The following MAP3K4 variants were observed in gnomAD, a reference collection of about 807,000 sequenced individuals.
The protein encoded by MAP3K4 is mitogen-activated protein kinase kinase kinase 4.
Under a neutral mutation model 185.6 loss-of-function variants are expected in MAP3K4, and 67 were observed. The ratio of observed to expected loss-of-function variants is 0.36; its 90% CI spans 0.30 to 0.44. The LOEUF (loss-of-function observed/expected upper bound fraction) is 0.44. Among genes scored for constraint, MAP3K4 ranks in the 20% least tolerant of loss-of-function variants. The pLI, the probability that MAP3K4 is intolerant of heterozygous loss-of-function variation, is 1.00. For synonymous variants in MAP3K4, 702 were observed against 710.4 expected, an observed-to-expected ratio of 0.99 and a Z score of 0.19; for missense variants, 1,551 against 1,995.1, an observed-to-expected ratio of 0.78 and a Z score of 4.24.
intron 1 of MAP3K4, among the ~76,000 whole-genome samples, chr6:161,029,628 T>C (rs1239601161): frequency 6.6e-6 from 1 of 152,186 alleles, no homozygotes; most frequent in African/African-American, 2.4e-5. Context: ...AGACAAATGT[T>C]TCAGGGCAGC....
chr6:161,012,242 C>A (rs1327471318), intron 1 of MAP3K4, among the ~76,000 whole-genome samples: 1 of 152,168 alleles, frequency 6.6e-6, no homozygotes, highest in Non-Finnish European at 1.5e-5. Flanking sequence ...AGTTGTTGAA[C>A]ATTCTGTGTT....
At position 161,115,069 on chromosome 6, in the gene MAP3K4, T is replaced by G; in HGVS notation, c.4627-54T>G. 6.9e-7 allele frequency: 1 copy of G among 1,458,988 alleles called. No individual in the cohort carries two copies. Among genetic ancestry groups the G allele is most frequent in the Non-Finnish European group, 9.4e-7 (1 of 1,058,460 alleles). The allele number at this position is 1,458,988 out of a possible 1,614,324, so 90.4% of individuals were successfully genotyped here. On this transcript the variant is annotated intron_variant, in intron 25 of 26. Transcript: ENST00000392142. This position sits in a 1 kb window ranked among gnomAD's most constrained non-coding sequence, Gnocchi z 6.0. ...CTTAAAAACAGACTGAACATTTGCG[T>G]TGTTTGTGGCTGTGTAATATTAAAA... is the stretch of plus-strand genomic sequence containing the variant.
chr6:160,998,414 G>C (rs879699426), intron 1 of MAP3K4, among the ~76,000 whole-genome samples: 1 of 152,156 alleles, frequency 6.6e-6, no homozygotes. Context: ...GCTAATCAGA[G>C]AGCCTAAATT....
intron 1 of MAP3K4, among the ~76,000 whole-genome samples, chr6:160,995,063 A>C (rs765104054): frequency 2.0e-5 from 3 of 152,158 alleles, no homozygotes; most frequent in Non-Finnish European, 4.4e-5. Flanking sequence ...TCCCACCAGC[A>C]GTGTATAAGA....
chr6:161,015,362 T>C (rs1782043854), intron 1 of MAP3K4, among the ~76,000 whole-genome samples: 2 of 152,050 alleles, frequency 1.3e-5, no homozygotes, highest in South Asian at 4.1e-4. Context: ...CTGGACTTAC[T>C]ACCTAGGTGA....
intron 2 of MAP3K4, among the ~76,000 whole-genome samples, chr6:161,042,962 C>G (rs1783556008): frequency 1.3e-5 from 2 of 151,662 alleles, no homozygotes; most frequent in Admixed American, 1.3e-4. Flanking sequence ...GGAAATATCT[C>G]AAGGTGTGTG....
In MAP3K4 at chr6:161,034,488, T is replaced by G; in HGVS notation, c.343+39T>G. 234 of 1,371,378 alleles carry G rather than the reference T, an allele frequency of 1.7e-4. No homozygotes were observed. Among genetic ancestry groups the G allele is most frequent in the Non-Finnish European group, 2.1e-4 (209 of 977,932 alleles). The allele number at this position is 1,371,378 out of a possible 1,614,324, so 85.0% of individuals were successfully genotyped here. A position where few individuals can be genotyped will look rare whatever the true frequency, so the allele number is the denominator to read the frequency against. On this transcript the variant is annotated intron_variant, in intron 2 of 26. Transcript: ENST00000392142. The surrounding 1 kb of genome is among the most constrained non-coding windows in gnomAD (Gnocchi z 4.4). ...TTGAAAAGAGGTGTACATGAGAGGG[T>G]ATGGCACTTGATTGATTCTTTCAAC...
Position 161,112,648 on chromosome 6 carries a change from C to T in MAP3K4, c.4520-20C>T. ...TGTGTTTATAACCCATTACTCTCAACATATCTGTGACTTTTAAAGCATACA... is the reference window on the plus strand; with the variant it reads ...TGTGTTTATAACCCATTACTCTCAATATATCTGTGACTTTTAAAGCATACA... On this transcript the variant is annotated intron_variant, in intron 24 of 26. Coordinates refer to ENST00000392142, the MANE Select transcript of MAP3K4 (RefSeq NM_005922.4). The surrounding 1 kb of genome is among the most constrained non-coding windows in gnomAD (Gnocchi z 5.1). 6.6e-7 allele frequency: 1 copy of T among 1,511,856 alleles called. No homozygotes were observed. Among genetic ancestry groups the T allele is most frequent in the Non-Finnish European group, 8.9e-7 (1 of 1,123,966 alleles). 93.7% of individuals were successfully genotyped at this position (1,511,856 alleles called of 1,614,324 possible). A position where few individuals can be genotyped will look rare whatever the true frequency, so the allele number is the denominator to read the frequency against.
In MAP3K4 at chr6:161,098,280, C is replaced by T. The variant is rs773299466; in HGVS notation, c.3527C>T (p.Thr1176Ile). 12 of 1,612,802 alleles carry T rather than the reference C, an allele frequency of 7.4e-6. No homozygotes were observed. The highest frequency in any genetic ancestry group is 3.3e-5 in the Admixed American group (2 of 59,938). Residue 1176 changes from threonine (T) to isoleucine (I), a missense_variant and splice_region_variant, in exon 17 of 27, where the codon ACT becomes ATT. By Grantham distance (89) the Thr-to-Ile change is moderately conservative. Transcript: ENST00000392142. The surrounding 1 kb of genome is among the most constrained non-coding windows in gnomAD (Gnocchi z 4.4). ...TGAAGCTTTTCTTCTTGTCTTAGCA[C>T]TCGGAGCATGCCTTCCGACGCGCGG... Reference protein sequence around the residue: ...LIIPTPEGFSTRSMPSDARSH... With the variant: ...LIIPTPEGFSIRSMPSDARSH...
chr6:161,087,805 T>A lies in MAP3K4; in HGVS notation c.2674T>A (p.Ser892Thr), dbSNP rs1166485785. 4 of 1,614,042 alleles carry A rather than the reference T, an allele frequency of 2.5e-6. No homozygotes were observed. The highest frequency in any genetic ancestry group is 3.4e-6 in the Non-Finnish European group (4 of 1,180,034). ...TGCAGGAAAGGACTGTTCAAAAGAT[T>A]CAGATGACGTACTCATCGATGCCTA... The part of the protein sequence containing the change: ...AAAGKDCSKD[S>T]DDVLIDAYLL... Residue 892 changes from serine (S) to threonine (T), a missense_variant, in exon 10 of 27, where the codon TCA becomes ACA. Physicochemically the swap from Ser to Thr is moderately conservative, Grantham distance 58. Coordinates refer to ENST00000392142, the MANE Select transcript of MAP3K4 (RefSeq NM_005922.4). This position sits in a 1 kb window ranked among gnomAD's most constrained non-coding sequence, Gnocchi z 4.9.
Position 161,049,638 on chromosome 6 carries a change from A to G in MAP3K4, c.1366A>G (p.Ser456Gly). 1 of 1,614,200 alleles carries G rather than the reference A, an allele frequency of 6.2e-7. No individual in the cohort carries two copies. The highest frequency in any genetic ancestry group is 1.1e-5 in the South Asian group (1 of 91,084). ...DTEGELKELE[S>G]STDESEEEQI... ...AGAAGGAGAATTAAAGGAGTTGGAA[A>G]GTAGTACGGATGAGAGTGAAGAAGA... The change falls in exon 3 of 27, where the codon AGT becomes GGT. Residue 456 changes from serine (S) to glycine (G), a missense_variant. Physicochemically the swap from Ser to Gly is moderately conservative, Grantham distance 56 (BLOSUM62 0). Around this residue, in one of 16 missense-constraint regions of MAP3K4, gnomAD observed 126 missense variants for 112.8 expected, o/e 1.12. Transcript: ENST00000392142. This position sits in a 1 kb window ranked among gnomAD's most constrained non-coding sequence, Gnocchi z 8.4.
chr6:161,093,199 T>C lies in MAP3K4; in HGVS notation c.3348+143T>C, dbSNP rs1484342029. ...ATCATGTAATGATAATGCTGAGAAA[T>C]TAAAGTACTCCTCATAGCAGAGTAA... On this transcript the variant is annotated intron_variant, in intron 14 of 26. Coordinates refer to ENST00000392142, the MANE Select transcript of MAP3K4 (RefSeq NM_005922.4). The surrounding 1 kb of genome is among the most constrained non-coding windows in gnomAD (Gnocchi z 5.2). 1 of 598,614 alleles carries C rather than the reference T, an allele frequency of 1.7e-6. No individual in the cohort carries two copies. Among genetic ancestry groups the C allele is most frequent in the African/African-American group, 1.9e-5 (1 of 52,678 alleles). The allele number at this position is 598,614 out of a possible 1,614,324, so 37.1% of individuals were successfully genotyped here.
rs1778063848 is a variant in MAP3K4 at position 161,106,204 on chromosome 6, AGT to A, written c.3857-306_3857-305del. On this transcript the variant is annotated intron_variant, in intron 19 of 26. Transcript: ENST00000392142. This position sits in a 1 kb window ranked among gnomAD's most constrained non-coding sequence, Gnocchi z 4.9. The stretch of plus-strand genomic sequence containing the variant: ...ATGTTTTAATAATATGGCAAACAAG[AGT>A]GTGGAATGGAGAGAGGAGAAACTAG... Among the ~76,000 whole-genome samples, 1 of 152,138 alleles carries A rather than the reference AGT, an allele frequency of 6.6e-6. No homozygotes were observed. The highest frequency in any genetic ancestry group is 1.5e-5 in the Non-Finnish European group (1 of 68,024).
At chr6:161,079,566 A>G (rs1311962035) in intron 5 of MAP3K4, among the ~76,000 whole-genome samples, 3 of 152,206 alleles carry the variant, frequency 2.0e-5, no homozygotes, top group African/African-American at 7.2e-5. Context: ...AGCAAGAGGA[A>G]ACTCCATCTC....
At chr6:161,001,580 G>T (rs1215405704) in intron 1 of MAP3K4, among the ~76,000 whole-genome samples, 1 of 152,132 alleles carries the variant, frequency 6.6e-6, no homozygotes, top group Non-Finnish European at 1.5e-5. Context: ...ATGAGGGCTG[G>T]GGCATCGTCT....
chr6:161,032,599 A>AC (rs1194120343), intron 1 of MAP3K4, among the ~76,000 whole-genome samples: 1 of 152,160 alleles, frequency 6.6e-6, no homozygotes. Context: ...TTCATTCCAA[A>AC]CAGTGTTATT....
rs1468229230 is a variant in MAP3K4 at position 161,110,192 on chromosome 6, C to G, written c.4396+278C>G. Among the ~76,000 whole-genome samples, 1 of 152,180 alleles carries G rather than the reference C, an allele frequency of 6.6e-6. No homozygotes were observed. Among genetic ancestry groups the G allele is most frequent in the African/African-American group, 2.4e-5 (1 of 41,438 alleles). On this transcript the variant is annotated intron_variant, in intron 23 of 26. Transcript: ENST00000392142. This position sits in a 1 kb window ranked among gnomAD's most constrained non-coding sequence, Gnocchi z 4.8. ...TTTTTATAAGCTGATTTGGCATAGC[C>G]CGTGTACTTACCAGACATTCGTGAT...
chr6:161,083,767 G>T (rs1235721815), intron 6 of MAP3K4, among the ~76,000 whole-genome samples: 2 of 151,970 alleles, frequency 1.3e-5, no homozygotes, highest in Non-Finnish European at 2.9e-5. Context: ...TTCTGCATTT[G>T]CCTGCAAGGC....
intron 1 of MAP3K4, among the ~76,000 whole-genome samples, chr6:161,018,271 C>G (rs1376325193): frequency 6.6e-6 from 1 of 152,086 alleles, no homozygotes; most frequent in Non-Finnish European, 1.5e-5. Context: ...ATAAGGCCTT[C>G]TTGAGTCGTT....
Sources: gnomAD v4.1 joint callset for allele counts (sites outside exome capture counted in the v4.1 genomes callset) on GRCh38, gnomAD v4.1.1 for gene constraint, gnomAD v4.1.1 regional missense constraint, Gnocchi (gnomAD v3.1) non-coding constraint, MANE v1.5 for transcripts, NCBI Gene and HGNC (gene_info 2026-07-23, HGNC 2026-07-21) for gene names.